AKAP1: variants seen among roughly 807,000 people sequenced by gnomAD.
AKAP1 encodes A-kinase anchor protein 1, mitochondrial.
Under a neutral mutation model 79.8 loss-of-function variants are expected in AKAP1, and 32 were observed. The observed-to-expected ratio is 0.40, with a 90% CI of 0.30 to 0.54. AKAP1 has a LOEUF of 0.54. Ranked by LOEUF, AKAP1 falls within the 20% of genes least tolerant of loss-of-function variation. The pLI is 0.47. For synonymous variants in AKAP1, 416 were observed against 466.7 expected (o/e 0.89, Z 1.40); for missense variants, 961 against 1,138.9 (o/e 0.84, Z 2.25).
chr17:57,087,674 T>C (rs1389993376), intron 1 of AKAP1, among the ~76,000 whole-genome samples: 1 of 152,240 alleles, frequency 6.6e-6, no homozygotes, highest in Non-Finnish European at 1.5e-5. Context: ...TTTGTTTCTC[T>C]TGAATTACTT....
intron 9 of AKAP1, 68 bp from the exon 10 acceptor site, chr17:57,118,914 A>G (rs1597994814): frequency 1.3e-6 from 2 of 1,539,740 alleles, no homozygotes; most frequent in East Asian, 4.5e-5. Flanking sequence ...GGAGATGACA[A>G]TTCAAGATGA....
chr17:57,092,207 C>T (rs1210397935), intron 1 of AKAP1: 1 of 152,178 alleles, frequency 6.6e-6, no homozygotes, highest in African/African-American at 2.4e-5. Context: ...AGCAGTTTGA[C>T]CAGCAAGCTT....
In AKAP1 at chr17:57,106,303, C is replaced by G. The variant is rs749943902; in HGVS notation, c.839C>G (p.Ala280Gly). ...RFIESAHTEL[A>G]KDDAAPAPPV... The stretch of plus-strand genomic sequence containing the variant: ...ATCGAGTCGGCTCACACAGAGCTGG[C>G]AAAGGACGATGCGGCGCCAGCACCC... Residue 280 changes from alanine (A) to glycine (G), a missense_variant, in exon 2 of 11, where the codon GCA (alanine) becomes GGA (glycine). This residue lies in a region of AKAP1 where 224 missense variants were observed against 210.2 expected (regional missense o/e 1.07). Transcript: ENST00000337714. 1.9e-6 allele frequency: 3 copies of G among 1,613,998 alleles called. No individual in the cohort carries two copies. The African/African-American group carries it at 4.0e-5, about 22-fold the overall frequency.
chr17:57,106,549 A>C lies in AKAP1; in HGVS notation c.1085A>C (p.Gln362Pro), dbSNP rs890756314. 2 of 1,614,226 alleles carry C rather than the reference A, an allele frequency of 1.2e-6. No homozygotes were observed. The highest frequency in any genetic ancestry group is 1.7e-6 in the Non-Finnish European group (2 of 1,180,048). Residue 362 changes from glutamine to proline, a missense_variant, in exon 2 of 11, where the codon CAG becomes CCG. Physicochemically the swap from Gln to Pro is moderately conservative, Grantham distance 76. Transcript: ENST00000337714. The part of the protein sequence containing the change: ...ISQVISEATE[Q>P]VLATTVGKVA... ...CAAGTGATCTCAGAAGCAACCGAAC[A>C]GGTGCTGGCCACCACGGTTGGCAAG...
chr17:57,116,980 T>A, intron 8 of AKAP1, 53 bp downstream of exon 8: 1 of 1,539,350 alleles, frequency 6.5e-7, no homozygotes, highest in Non-Finnish European at 9.0e-7. Context: ...TTGTTGAGAG[T>A]AGGTCTTTCT....
chr17:57,104,577 C>A (rs9897093), intron 1 of AKAP1, among the ~76,000 whole-genome samples: 135,768 of 152,334 alleles, frequency 0.89, 60,602 homozygotes, highest in East Asian at 1. Context: ...GACTCACAGT[C>A]GTCTACAGTG....
At position 57,106,544 on chromosome 17, in the gene AKAP1, C is replaced by G; in HGVS notation, c.1080C>G (p.Thr360=). 1 of 1,614,166 alleles carries G rather than the reference C, an allele frequency of 6.2e-7. No individual in the cohort carries two copies. The highest frequency in any genetic ancestry group is 8.5e-7 in the Non-Finnish European group (1 of 1,180,028). ...QIISQVISEA[T]EQVLATTVGK... ...TCTCCCAAGTGATCTCAGAAGCAAC[C>G]GAACAGGTGCTGGCCACCACGGTTG... Residue 360 remains threonine, a synonymous_variant, in exon 2 of 11, where the codon ACC becomes ACG. Coordinates refer to ENST00000337714, the MANE Select transcript of AKAP1 (RefSeq NM_003488.4).
At position 57,112,642 on chromosome 17, in the gene AKAP1, G is replaced by A. The variant is rs201443651; in HGVS notation, c.2103+24G>A. On this transcript the variant is annotated intron_variant, in intron 5 of 10. Coordinates refer to ENST00000337714, the MANE Select transcript of AKAP1 (RefSeq NM_003488.4). ...GGGTGAGCGTGCTACTGGGTGATCCGGACTTCTTGCCACTTTCCCCCAAAC... is the reference window on the plus strand; with the variant it reads ...GGGTGAGCGTGCTACTGGGTGATCCAGACTTCTTGCCACTTTCCCCCAAAC... The A allele has an allele frequency of 5.7e-5, 90 of 1,580,672 alleles. 1 individual carries two copies. In the African/African-American group the frequency reaches 7.9e-4, roughly 14 times the overall value.
At chr17:57,087,523 G>A (rs946590044) in intron 1 of AKAP1, among the ~76,000 whole-genome samples, 109 of 152,324 alleles carry the variant, frequency 7.2e-4, no homozygotes, top group African/African-American at 2.5e-3. Flanking sequence ...TATTTTAGGG[G>A]AAGGCTGGTG....
In AKAP1 at chr17:57,106,492, A is replaced by G; in HGVS notation, c.1028A>G (p.Glu343Gly). 1 of 1,613,788 alleles carries G rather than the reference A, an allele frequency of 6.2e-7. No homozygotes were observed. The highest frequency in any genetic ancestry group is 8.5e-7 in the Non-Finnish European group (1 of 1,179,800). The stretch of plus-strand genomic sequence containing the variant: ...GAGGAGGGCTTGGATAGAAATGAGG[A>G]GATTAAGCGGGCTGCCTTCCAGATA... Reference protein sequence around the residue: ...RNEEGLDRNEEIKRAAFQIIS... With the variant: ...RNEEGLDRNEGIKRAAFQIIS... Residue 343 changes from glutamate (E) to glycine (G), a missense_variant, in exon 2 of 11, where the codon GAG becomes GGG. By Grantham distance (98) the Glu-to-Gly change is moderately conservative. Transcript: ENST00000337714.
At chr17:57,107,364 C>T (rs553186992) in intron 2 of AKAP1, among the ~76,000 whole-genome samples, 186 bp downstream of exon 2, 1 of 152,282 alleles carries the variant, frequency 6.6e-6, no homozygotes, top group East Asian at 1.9e-4. Context: ...AGTTAGATTG[C>T]CCTGAAACCC....
chr17:57,086,797 C>CTT lies in AKAP1; in HGVS notation c.-25+1410_-25+1411dup, dbSNP rs11373952. Reference sequence around the variant, plus strand: ...TGCTAAGTCCTTCCCAAATTAGTACCTTTTTTTTTTTTAACTCTTTATTTA... The same window carrying CTT: ...TGCTAAGTCCTTCCCAAATTAGTACCTTTTTTTTTTTTTTAACTCTTTATTTA... On this transcript the variant is annotated intron_variant, in intron 1 of 10. Transcript: ENST00000337714. The surrounding 1 kb of genome is among the most constrained non-coding windows in gnomAD (Gnocchi z 5.1). Among the ~76,000 whole-genome samples, 11,922 of 148,106 alleles carry CTT rather than the reference C, an allele frequency of 0.08. 604 individuals are homozygous for CTT. The highest frequency in any genetic ancestry group is 0.11 in the Non-Finnish European group (7,496 of 66,904).
chr17:57,092,814 A>G (rs1913861587), intron 1 of AKAP1: 1 of 152,216 alleles, frequency 6.6e-6, no homozygotes. Context: ...CCTTCCGCGC[A>G]GTGATGTTGG....
At chr17:57,099,515 G>T (rs1914351078) in intron 1 of AKAP1, among the ~76,000 whole-genome samples, 2 of 152,198 alleles carry the variant, frequency 1.3e-5, no homozygotes, top group Non-Finnish European at 1.5e-5. Flanking sequence ...TGTGGGTTGG[G>T]TGAAATGGGT....
In AKAP1 at chr17:57,120,802, A is replaced by G. The variant is rs1915881188; in HGVS notation, c.*478A>G. ...GGTATCCACTACTTGTACAGCTTAC[A>G]TAAATGAGTTGATGATATTTAACCA... On this transcript the variant is annotated 3_prime_UTR_variant, in exon 11 of 11. Transcript: ENST00000337714. 3 of 153,488 alleles carry G rather than the reference A, an allele frequency of 2.0e-5. No individual in the cohort carries two copies. Among genetic ancestry groups the G allele is most frequent in the African/African-American group, 7.2e-5 (3 of 41,474 alleles). The allele number at this position is 153,488 out of a possible 1,614,324, so 9.5% of individuals were successfully genotyped here.
rs1225756278 is a variant in AKAP1, at chr17:57,105,995, G to C, written c.531G>C (p.Lys177Asn). ...CCCCCTTCAGCAGGGTGCCAAGGAA[G>C]GTCCAGCCAGGCTACCCCGTAGTCC... ...QDSPFSRVPR[K>N]VQPGYPVVPA... The change falls in exon 2 of 11, where the codon AAG becomes AAC. Residue 177 changes from lysine (K) to asparagine (N), a missense_variant. Coordinates refer to ENST00000337714, the MANE Select transcript of AKAP1 (RefSeq NM_003488.4). The C allele has an allele frequency of 6.2e-7, 1 of 1,613,960 alleles. No individual in the cohort carries two copies. The highest frequency in any genetic ancestry group is 8.5e-7 in the Non-Finnish European group (1 of 1,180,048).
rs143896277 is a variant in AKAP1 at position 57,091,714 on chromosome 17, G to A, written c.-25+6316G>A. On this transcript the variant is annotated intron_variant, in intron 1 of 10. Transcript: ENST00000337714. Reference sequence around the variant, plus strand: ...TATTTATTTATTTATTTAGAGATGAGGTCTTGCTTTGTCACCCAGGCTAGA... The same window carrying A: ...TATTTATTTATTTATTTAGAGATGAAGTCTTGCTTTGTCACCCAGGCTAGA... Among the ~76,000 whole-genome samples, 631 of 145,060 alleles carry A rather than the reference G, an allele frequency of 4.3e-3. 4 individuals are homozygous for A. Among genetic ancestry groups the A allele is most frequent in the Non-Finnish European group, 7.4e-3 (483 of 65,458 alleles).
At chr17:57,103,990 T>C (rs1011786460) in intron 1 of AKAP1, among the ~76,000 whole-genome samples, 2 of 152,094 alleles carry the variant, frequency 1.3e-5, no homozygotes, top group Non-Finnish European at 2.9e-5. Flanking sequence ...CTGCTCGATA[T>C]ACTTCACTTT....
At chr17:57,108,605 G>A (rs1276502269) in intron 2 of AKAP1, among the ~76,000 whole-genome samples, 1 of 152,210 alleles carries the variant, frequency 6.6e-6, no homozygotes, top group Admixed American at 6.5e-5. Context: ...TTTAGGGATG[G>A]CACGTGGAAA....
Sources: allele counts gnomAD v4.1 joint callset (sites outside exome capture counted in the v4.1 genomes callset), GRCh38; gene constraint gnomAD v4.1.1; regional missense constraint gnomAD v4.1.1; non-coding constraint Gnocchi (gnomAD v3.1); transcripts MANE v1.5; gene names NCBI Gene and HGNC (gene_info 2026-07-23, HGNC 2026-07-21).